Variants in AUTS2 observed in about 807,000 individuals in gnomAD.
AUTS2 encodes the protein activator of transcription and developmental regulator AUTS2.
A neutral mutation model predicts 112.4 loss-of-function variants in AUTS2; 17 were observed. That is an observed-to-expected ratio of 0.15 (90% CI 0.10 to 0.23). The LOEUF is 0.23. Ranked by LOEUF, AUTS2 falls within the 10% of genes least tolerant of loss-of-function variation. AUTS2 has a pLI of 1.00. For synonymous variants in AUTS2, 751 were observed against 702.7 expected (o/e 1.07, Z -1.09); for missense variants, 1,510 against 1,701.6 (o/e 0.89, Z 1.98).
intron 4 of AUTS2, among the ~76,000 whole-genome samples, chr7:70,224,889 C>T (rs1284855333): frequency 6.6e-6 from 1 of 152,180 alleles, no homozygotes; most frequent in African/African-American, 2.4e-5. Flanking sequence ...AAGTTTATAG[C>T]CTAGGAGCAA....
Position 70,441,896 on chromosome 7 carries a change from A to G in AUTS2, c.690+6115A>G, listed in dbSNP as rs77651462. The stretch of plus-strand genomic sequence containing the variant: ...GACTGGGCATGTGGTTTGTGCTTAC[A>G]GTGGAAGAGTCCCATCCCTTGGTTG... On this transcript the variant is annotated intron_variant, in intron 5 of 18. Coordinates refer to ENST00000342771, the MANE Select transcript of AUTS2 (RefSeq NM_015570.4). 7.0e-4 allele frequency among the ~76,000 whole-genome samples: 107 copies of G among 152,266 alleles called. No individual in the cohort carries two copies. In the East Asian group the frequency reaches 0.018, roughly 26 times the overall value.
chr7:70,552,886 C>T (rs572360933), intron 5 of AUTS2, among the ~76,000 whole-genome samples: 11 of 152,322 alleles, frequency 7.2e-5, no homozygotes, highest in African/African-American at 2.4e-4. Context: ...CCAGCACAAA[C>T]ACTTTCCTCA....
At chr7:69,663,131 A>G (rs1204072895) in intron 1 of AUTS2, 1 of 152,182 alleles carries the variant, frequency 6.6e-6, no homozygotes, top group East Asian at 1.9e-4. Flanking sequence ...AGGCTTTTAA[A>G]AGTTGGTCTT....
At chr7:70,038,834 C>T (rs140857623) in intron 2 of AUTS2, among the ~76,000 whole-genome samples, 20 of 152,248 alleles carry the variant, frequency 1.3e-4, no homozygotes, top group East Asian at 3.9e-4. Flanking sequence ...TCTCAGCTCA[C>T]GGTAACCTCT....
chr7:69,988,944 A>G (rs1475749691), intron 2 of AUTS2, among the ~76,000 whole-genome samples: 3 of 152,198 alleles, frequency 2.0e-5, no homozygotes, highest in African/African-American at 4.8e-5. Context: ...ACTAAGTTGA[A>G]GAAAAGTACA....
rs566197469 is a variant in AUTS2, at chr7:70,756,298, C to T, written c.743-6572C>T. Among the ~76,000 whole-genome samples the T allele has an allele frequency of 3.9e-5, 6 of 152,264 alleles. No individual in the cohort carries two copies. The East Asian group carries it at 9.6e-4, about 24-fold the overall frequency. On this transcript the variant is annotated intron_variant, in intron 6 of 18. Transcript: ENST00000342771. ...ATTATGTGTTGTGCATTGTGGAAAGCACTTTACATGGCCTAATTTATTTCC... is the reference window on the plus strand; with the variant it reads ...ATTATGTGTTGTGCATTGTGGAAAGTACTTTACATGGCCTAATTTATTTCC...
At chr7:70,708,187 T>A (rs1404175318) in intron 6 of AUTS2, among the ~76,000 whole-genome samples, 2 of 152,230 alleles carry the variant, frequency 1.3e-5, no homozygotes, top group East Asian at 3.9e-4. Flanking sequence ...TAGCCAAGAT[T>A]ACATCATTTT....
rs574713631 is a variant in AUTS2, at chr7:70,661,797, T to C, written c.691-36772T>C. Among the ~76,000 whole-genome samples, 3 of 152,204 alleles carry C rather than the reference T, an allele frequency of 2.0e-5. No individual in the cohort carries two copies. In the South Asian group the frequency reaches 6.2e-4, roughly 32 times the overall value. ...CAGGCTGTGTTGCACGAGCAGGGCC[T>C]CTGCACAGGCCCAGCACTGACCTCA... On this transcript the variant is annotated intron_variant, in intron 5 of 18. Transcript: ENST00000342771.
At position 70,785,872 on chromosome 7, in the gene AUTS2, G is replaced by T. The variant is rs950604563; in HGVS notation, c.2225-83G>T. 5 of 1,303,684 alleles carry T rather than the reference G, an allele frequency of 3.8e-6. 1 individual carries two copies. Among genetic ancestry groups the T allele is most frequent in the East Asian group, 2.3e-5 (1 of 43,048 alleles). 80.8% of individuals were successfully genotyped at this position (1,303,684 alleles called of 1,614,324 possible). A position where few individuals can be genotyped will look rare whatever the true frequency, so the allele number is the denominator to read the frequency against. On this transcript the variant is annotated intron_variant, in intron 16 of 18. Coordinates refer to ENST00000342771, the MANE Select transcript of AUTS2 (RefSeq NM_015570.4). ...GGGGCGTAGAGAGGGCAGGGATCCC[G>T]CATCGCCCTGCTCCCAGGAAGCTCT...
At position 70,516,928 on chromosome 7, in the gene AUTS2, A is replaced by G. The variant is rs147807805; in HGVS notation, c.690+81147A>G. On this transcript the variant is annotated intron_variant, in intron 5 of 18. Transcript: ENST00000342771. ...TGTTTCCTGGTTACAATGAAAAAAA[A>G]ATGTGAGGGATTTGTGTTTGGGTAG... Among the ~76,000 whole-genome samples the G allele has an allele frequency of 2.2e-3, 335 of 152,256 alleles. 1 individual carries two copies. The highest frequency in any genetic ancestry group is 7.8e-3 in the African/African-American group (322 of 41,540).
intron 2 of AUTS2, among the ~76,000 whole-genome samples, chr7:70,110,937 T>A (rs1008946014): frequency 6.9e-6 from 1 of 145,256 alleles, no homozygotes; most frequent in Non-Finnish European, 1.5e-5. Context: ...AGTGGCGCGA[T>A]CTCAGCTCAC....
chr7:70,183,604 C>T (rs760161002), intron 4 of AUTS2, among the ~76,000 whole-genome samples: 2 of 152,182 alleles, frequency 1.3e-5, no homozygotes, highest in African/African-American at 2.4e-5. Context: ...TGTGTGCAGA[C>T]GCTAACCACG....
intron 1 of AUTS2, among the ~76,000 whole-genome samples, chr7:69,801,437 A>G (rs1790076763): frequency 6.7e-6 from 1 of 150,292 alleles, no homozygotes; most frequent in South Asian, 2.1e-4. Context: ...ATATACATAT[A>G]TATGTATGTA....
At chr7:70,781,477 G>T (rs776225723) in intron 14 of AUTS2, 138 bp from the exon 15 acceptor site, 4 of 1,029,250 alleles carry the variant, frequency 3.9e-6, no homozygotes, top group Non-Finnish European at 4.1e-6. Flanking sequence ...AATGGTTTTT[G>T]TGTAGCTGCT....
chr7:70,470,576 C>A (rs1424534339), intron 5 of AUTS2, among the ~76,000 whole-genome samples: 1 of 152,164 alleles, frequency 6.6e-6, no homozygotes, highest in Non-Finnish European at 1.5e-5. Flanking sequence ...CAGCATCTGG[C>A]TCATCCCTGG....
intron 4 of AUTS2, among the ~76,000 whole-genome samples, chr7:70,273,107 G>C (rs1787768225): frequency 6.6e-6 from 1 of 152,018 alleles, no homozygotes; most frequent in African/African-American, 2.4e-5. Context: ...GGAGTGCAGT[G>C]GCACGATCTT....
chr7:70,392,731 A>G (rs1219820842), intron 4 of AUTS2, among the ~76,000 whole-genome samples: 2 of 152,222 alleles, frequency 1.3e-5, no homozygotes, highest in Admixed American at 6.5e-5. Context: ...CCTTAAGATA[A>G]GATTCAGTTT....
At chr7:70,434,886 A>G (rs1275372381) in intron 4 of AUTS2, among the ~76,000 whole-genome samples, 1 of 152,232 alleles carries the variant, frequency 6.6e-6, no homozygotes, top group Non-Finnish European at 1.5e-5. Flanking sequence ...CTAACAAAAC[A>G]CATCCCCCAG....
At chr7:70,049,599 G>C (rs534880576) in intron 2 of AUTS2, among the ~76,000 whole-genome samples, 4 of 152,086 alleles carry the variant, frequency 2.6e-5, no homozygotes, top group Admixed American at 6.5e-5. Context: ...CAAAGTGCTG[G>C]GATTACAGGC....
Sources: gnomAD v4.1 joint callset for allele counts (sites outside exome capture counted in the v4.1 genomes callset) on GRCh38, gnomAD v4.1.1 for gene constraint, MANE v1.5 for transcripts, NCBI Gene and HGNC (gene_info 2026-07-23, HGNC 2026-07-21) for gene names.